The following ZAN variants were observed in gnomAD, a reference collection of about 807,000 sequenced individuals.
ZAN encodes zonadhesin.
Under a neutral mutation model 286.2 loss-of-function variants are expected in ZAN, and 260 were observed. That is an observed-to-expected ratio of 0.91 (90% CI 0.82 to 1.01). ZAN has a LOEUF of 1.01. ZAN is among the 50% of genes least tolerant of loss of function. ZAN has a pLI of 0.00. For synonymous variants in ZAN, 1,368 were observed against 1,417.5 expected (o/e 0.97, Z 0.79); for missense variants, 3,410 against 3,639.2 (o/e 0.94, Z 1.62).
At chr7:100,751,028 G>A in intron 12 of ZAN, 132 bp downstream of exon 12, 3 of 1,416,528 alleles carry the variant, frequency 2.1e-6, no homozygotes, top group Non-Finnish European at 2.8e-6. Context: ...TCGTGTTACA[G>A]AAAGTGAGAA....
chr7:100,790,749 G>A (rs1384021373), intron 39 of ZAN, among the ~76,000 whole-genome samples, 193 bp from the exon 40 acceptor site: 1 of 151,420 alleles, frequency 6.6e-6, no homozygotes, highest in Non-Finnish European at 1.5e-5. Flanking sequence ...CAGGCATGGT[G>A]GTGTGTGCCT....
At position 100,734,038 on chromosome 7, in the gene ZAN, G is replaced by A; in HGVS notation, c.-131G>A. 1 of 556,754 alleles carries A rather than the reference G, an allele frequency of 1.8e-6. No individual in the cohort carries two copies. The highest frequency in any genetic ancestry group is 3.2e-5 in the East Asian group (1 of 30,844). The allele number at this position is 556,754 out of a possible 1,614,324, so 34.5% of individuals were successfully genotyped here. A position where few individuals can be genotyped will look rare whatever the true frequency, so the allele number is the denominator to read the frequency against. ...TTTTAATTTCCCAGAGCTTTTCTGT[G>A]TTTCTCTGTTCATTCTTCATGGCAT... On this transcript the variant is annotated 5_prime_UTR_variant, in exon 2 of 48. Coordinates refer to ENST00000613979, the MANE Select transcript of ZAN (RefSeq NM_003386.3).
At chr7:100,790,824 A>C (rs1247076894) in intron 39 of ZAN, 118 bp from the exon 40 acceptor site, 1 of 1,150,796 alleles carries the variant, frequency 8.7e-7, no homozygotes, top group Non-Finnish European at 1.2e-6. Context: ...CGGAGGTTGC[A>C]GTGAGCCAAG....
chr7:100,788,944 C>T (rs1811754500), intron 38 of ZAN, among the ~76,000 whole-genome samples: 1 of 152,122 alleles, frequency 6.6e-6, no homozygotes, highest in African/African-American at 2.4e-5. Flanking sequence ...AGTGATCCGC[C>T]CGACTCGGCC....
At position 100,751,196 on chromosome 7, in the gene ZAN, C is replaced by T. The variant is rs988530505; in HGVS notation, c.1536C>T (p.Gly512=). The change falls in exon 13 of 48, where the codon GGC becomes GGT. Residue 512 remains glycine, a synonymous_variant. Coordinates refer to ENST00000613979, the MANE Select transcript of ZAN (RefSeq NM_003386.3). ...GTCGCCTTTAGCTTATTTTCAAGGG[C>T]ATCCAGGGAAGCAACACGGCCTCTG... The part of the protein sequence containing the change: ...HQQPMQLIFK[G]IQGSNTASVV... 6 of 1,608,454 alleles carry T rather than the reference C, an allele frequency of 3.7e-6. No individual in the cohort carries two copies. In the African/African-American group the frequency reaches 6.7e-5, roughly 18 times the overall value.
intron 11 of ZAN, among the ~76,000 whole-genome samples, chr7:100,750,028 G>A (rs185520749): frequency 8.8e-5 from 12 of 136,682 alleles, no homozygotes; most frequent in African/African-American, 3.1e-4. Context: ...TCCAGCCTGG[G>A]CAACAGAGCG....
intron 36 of ZAN, 37 bp downstream of exon 36, chr7:100,784,871 A>G: frequency 1.3e-6 from 2 of 1,534,124 alleles, no homozygotes; most frequent in Non-Finnish European, 1.8e-6. Flanking sequence ...GAGGCAACAC[A>G]GCTTGAGGGC....
intron 41 of ZAN, 61 bp from the exon 42 acceptor site, chr7:100,792,344 G>C: frequency 6.5e-7 from 1 of 1,540,514 alleles, no homozygotes; most frequent in Non-Finnish European, 8.8e-7. Flanking sequence ...CTCTTCTGCA[G>C]GGGTGGGTCT....
rs1248294669 is a variant in ZAN, at chr7:100,775,575, A to T, written c.6027A>T (p.Leu2009=). The change falls in exon 32 of 48, where the codon CTA becomes CTT. Residue 2009 remains leucine, a splice_region_variant and synonymous_variant. Transcript: ENST00000613979. ...CCCTGCAGAAGGGCCACCGTGTGCT[A>T]GTGAGCTGGGTGTGGTGACCGGGGC... ...QVTLQKGHRV[L]INSKQVTLPA... 6.2e-7 allele frequency: 1 copy of T among 1,613,034 alleles called. No homozygotes were observed. The highest frequency in any genetic ancestry group is 2.2e-5 in the East Asian group (1 of 44,858).
Position 100,737,323 on chromosome 7 carries a change from C to T in ZAN, c.587C>T (p.Ser196Phe). The change falls in exon 6 of 48, where the codon TCT becomes TTT. Residue 196 changes from serine (S) to phenylalanine (F), a missense_variant. Transcript: ENST00000613979. ...CTGGACATCGCCCTGGATGCCCTCT[C>T]TATCCGCCGGGGCTCCTGTAATCGC... The part of the protein sequence containing the change: ...AYLDIALDAL[S>F]IRRGSCNRVC... The T allele has an allele frequency of 2.0e-6, 3 of 1,480,714 alleles. 1 individual carries two copies. Among genetic ancestry groups the T allele is most frequent in the Non-Finnish European group, 1.8e-6 (2 of 1,084,812 alleles). The allele number at this position is 1,480,714 out of a possible 1,614,324, so 91.7% of individuals were successfully genotyped here.
At position 100,771,921 on chromosome 7, in the gene ZAN, A is replaced by G. The variant is rs76687973; in HGVS notation, c.5326A>G (p.Lys1776Glu). 28 of 1,613,014 alleles carry G rather than the reference A, an allele frequency of 1.7e-5. No homozygotes were observed. In the African/African-American group the frequency reaches 3.6e-4, roughly 21 times the overall value. ...TTGCGTGCATGGTCAGTGTGGGACC[A>G]AGGGCGACACCACAGCCCTGTGCCG... ...ASCVHGQCGT[K>E]GDTTALCRSL... Residue 1776 changes from lysine to glutamate, a missense_variant, in exon 29 of 48, where the codon AAG (lysine) becomes GAG (glutamate). By Grantham distance (56) the Lys-to-Glu change is moderately conservative. This residue lies in a region of ZAN where 27 missense variants were observed against 58.7 expected (regional missense o/e 0.46). Coordinates refer to ENST00000613979, the MANE Select transcript of ZAN (RefSeq NM_003386.3).
intron 13 of ZAN, among the ~76,000 whole-genome samples, chr7:100,751,492 C>T (rs1303377437): frequency 6.6e-6 from 1 of 152,150 alleles, no homozygotes; most frequent in East Asian, 1.9e-4. Flanking sequence ...TCCAGAACTC[C>T]TTCCTCTGCA....
At chr7:100,759,532 C>T (rs577452579) in intron 17 of ZAN, among the ~76,000 whole-genome samples, 189 bp from the exon 18 acceptor site, 4 of 152,226 alleles carry the variant, frequency 2.6e-5, no homozygotes, top group East Asian at 3.9e-4. Context: ...AGACACGCTG[C>T]GGCTGCAGGC....
chr7:100,747,198 C>T (rs1221188627), intron 8 of ZAN, among the ~76,000 whole-genome samples: 3 of 151,428 alleles, frequency 2.0e-5, no homozygotes, highest in African/African-American at 7.3e-5. Context: ...ACCAGCCTGG[C>T]CAACATAGAG....
In ZAN at chr7:100,739,815, G is replaced by A. The variant is rs1011216766; in HGVS notation, c.766+1202G>A. Among the ~76,000 whole-genome samples, 7 of 138,746 alleles carry A rather than the reference G, an allele frequency of 5.0e-5. 2 individuals carry two copies. Among genetic ancestry groups the A allele is most frequent in the Admixed American group, 3.6e-4 (5 of 14,070 alleles). The allele number at this position is 138,746 out of a possible 152,430, so 91.0% of individuals were successfully genotyped here. A position where few individuals can be genotyped will look rare whatever the true frequency, so the allele number is the denominator to read the frequency against. Reference sequence around the variant, plus strand: ...TGGGACTACAGGTGTACACCACCACGCCCAGCTAATTTTTGTGTTTTTAGT... The same window carrying A: ...TGGGACTACAGGTGTACACCACCACACCCAGCTAATTTTTGTGTTTTTAGT... On this transcript the variant is annotated intron_variant, in intron 7 of 47. Transcript: ENST00000613979.
Position 100,745,280 on chromosome 7 carries a change from A to T in ZAN, c.767-1258A>T, listed in dbSNP as rs905653140. ...TCCTTTCTTCTCCTTCCTCCCGCCC[A>T]TTCCCGCCATTCCAGCCTCTTCGCC... On this transcript the variant is annotated intron_variant, in intron 7 of 47. Coordinates refer to ENST00000613979, the MANE Select transcript of ZAN (RefSeq NM_003386.3). Among the ~76,000 whole-genome samples the T allele has an allele frequency of 4.7e-5, 7 of 149,798 alleles. 1 individual carries two copies. The highest frequency in any genetic ancestry group is 1.5e-4 in the African/African-American group (6 of 40,392).
At chr7:100,783,483 T>A (rs916341057) in intron 35 of ZAN, among the ~76,000 whole-genome samples, 9 of 147,130 alleles carry the variant, frequency 6.1e-5, no homozygotes, top group African/African-American at 1.7e-4. Flanking sequence ...CCTGTAATCC[T>A]AGCACTTTGG....
rs776094724 is a variant in ZAN at position 100,787,964 on chromosome 7, G to A, written c.7055G>A (p.Arg2352His). 1.0e-5 allele frequency: 5 copies of A among 483,060 alleles called. No homozygotes were observed. Among genetic ancestry groups the A allele is most frequent in the South Asian group, 2.7e-5 (1 of 37,594 alleles). The allele number at this position is 483,060 out of a possible 1,614,324, so 29.9% of individuals were successfully genotyped here. A position where few individuals can be genotyped will look rare whatever the true frequency, so the allele number is the denominator to read the frequency against. Reference sequence around the variant, plus strand: ...GGCTTCAGCTACCGCTTGCAAGGCCGCATGACCTATGTTCTGATCAAGACT... The same window carrying A: ...GGCTTCAGCTACCGCTTGCAAGGCCACATGACCTATGTTCTGATCAAGACT... ...FDGFSYRLQG[R>H]MTYVLIKTVD... Residue 2352 changes from arginine to histidine, a missense_variant, in exon 38 of 48, where the codon CGC (arginine) becomes CAC (histidine). Physicochemically the swap from Arg to His is conservative, Grantham distance 29. Transcript: ENST00000613979.
chr7:100,737,712 A>T lies in ZAN; in HGVS notation c.613+363A>T, dbSNP rs1381681515. 1.4e-5 allele frequency among the ~76,000 whole-genome samples: 2 copies of T among 138,924 alleles called. 1 individual carries two copies. The highest frequency in any genetic ancestry group is 3.2e-5 in the Non-Finnish European group (2 of 62,220). 91.1% of individuals were successfully genotyped at this position (138,924 alleles called of 152,430 possible). On this transcript the variant is annotated intron_variant, in intron 6 of 47. Transcript: ENST00000613979. The stretch of plus-strand genomic sequence containing the variant: ...TGGAGTGAGACTCCGTCTCAAAAAA[A>T]AAAAAAGAAGAATGAGAAAGGAGAT...
Sources: allele counts gnomAD v4.1 joint callset (sites outside exome capture counted in the v4.1 genomes callset), GRCh38; gene constraint gnomAD v4.1.1; regional missense constraint gnomAD v4.1.1; transcripts MANE v1.5; gene names NCBI Gene and HGNC (gene_info 2026-07-23, HGNC 2026-07-21).